NIBAN1: variants seen among roughly 807,000 people sequenced by gnomAD.
The protein encoded by NIBAN1 is niban apoptosis regulator 1.
Under a neutral mutation model 75.1 loss-of-function variants are expected in NIBAN1, and 81 were observed. That is an observed-to-expected ratio of 1.08 (90% CI 0.90 to 1.30). NIBAN1 has a LOEUF of 1.30. NIBAN1 is among the 50% of genes most tolerant of loss of function. The pLI is 0.00. For missense variants in NIBAN1, 1,133 were observed against 1,128.1 expected (o/e 1.00, Z -0.06); for synonymous variants, 436 against 424.8 (o/e 1.03, Z -0.32).
chr1:184,944,860 C>G (rs1159149706), intron 1 of NIBAN1, among the ~76,000 whole-genome samples: 1 of 152,166 alleles, frequency 6.6e-6, no homozygotes, highest in African/African-American at 2.4e-5. Context: ...ATAATAATTA[C>G]TGGGATTTAG....
chr1:184,947,073 C>CAAA (rs368783783), intron 1 of NIBAN1, among the ~76,000 whole-genome samples: 5 of 147,780 alleles, frequency 3.4e-5, no homozygotes, highest in African/African-American at 1.0e-4. Context: ...AACTCCATCT[C>CAAA]AAAAAGAAAA....
intron 1 of NIBAN1, among the ~76,000 whole-genome samples, chr1:184,936,184 A>C (rs1657955713): frequency 6.6e-6 from 1 of 152,154 alleles, no homozygotes; most frequent in African/African-American, 2.4e-5. Context: ...TGTACTCCAA[A>C]AGAGTGCTTA....
At chr1:184,804,389 T>G (rs1395737445) in intron 11 of NIBAN1, among the ~76,000 whole-genome samples, 1 of 152,212 alleles carries the variant, frequency 6.6e-6, no homozygotes, top group African/African-American at 2.4e-5. Context: ...AACCAAAGGC[T>G]GCCACGTGGA....
Position 184,970,084 on chromosome 1 carries a change from G to A in NIBAN1, c.55+4218C>T, listed in dbSNP as rs185942282. On this transcript the variant is annotated intron_variant, in intron 1 of 13. Transcript: ENST00000367511. ...CTAAGGAGGGTGAGGTGGGAGGATC[G>A]CTTGAGCCCAGGGAGGTCGAGGCTG... 4.4e-4 allele frequency among the ~76,000 whole-genome samples: 66 copies of A among 150,980 alleles called. No homozygotes were observed. In the East Asian group the frequency reaches 1.0e-2, roughly 23 times the overall value.
chr1:184,852,582 CTCATT>C (rs1290542759), intron 5 of NIBAN1, among the ~76,000 whole-genome samples: 2 of 152,176 alleles, frequency 1.3e-5, no homozygotes, highest in Non-Finnish European at 2.9e-5. Flanking sequence ...GGCCTAATCT[CTCATT>C]TCAAGTGGAA....
intron 4 of NIBAN1, 118 bp from the exon 5 acceptor site, chr1:184,884,918 G>C (rs945948331): frequency 7.9e-7 from 1 of 1,268,910 alleles, no homozygotes; most frequent in Middle Eastern, 2.3e-4. Flanking sequence ...AAGTTGGTGA[G>C]ATATTTTCAC....
chr1:184,791,757 T>C lies in NIBAN1; in HGVS notation c.*3220A>G, dbSNP rs1653702151. The C allele has an allele frequency of 6.6e-6, 1 of 152,160 alleles. No individual in the cohort carries two copies. Among genetic ancestry groups the C allele is most frequent in the Admixed American group, 6.6e-5 (1 of 15,266 alleles). 9.4% of individuals were successfully genotyped at this position (152,160 alleles called of 1,614,324 possible). On this transcript the variant is annotated 3_prime_UTR_variant, in exon 14 of 14. Transcript: ENST00000367511. The stretch of plus-strand genomic sequence containing the variant: ...ACAGAGGCTAAGGAAAAAAATGCTG[T>C]TCATTTAGATCAGAATAACCTCGCT...
chr1:184,845,769 A>G (rs1027078508), intron 5 of NIBAN1, among the ~76,000 whole-genome samples: 1 of 85,118 alleles, frequency 1.2e-5, no homozygotes, highest in Non-Finnish European at 2.4e-5. Context: ...GTGTGTGCGC[A>G]CCGTGCGCGA....
intron 1 of NIBAN1, among the ~76,000 whole-genome samples, chr1:184,911,997 G>A (rs1471466610): frequency 1.3e-5 from 2 of 151,968 alleles, no homozygotes; most frequent in Non-Finnish European, 2.9e-5. Context: ...GCACCACTAC[G>A]CTAAAACTGG....
At chr1:184,821,976 C>T (rs1654714498) in intron 8 of NIBAN1, among the ~76,000 whole-genome samples, 1 of 152,122 alleles carries the variant, frequency 6.6e-6, no homozygotes, top group South Asian at 2.1e-4. Context: ...GGAAAGGGGG[C>T]CTGAACTGCA....
chr1:184,916,203 T>C (rs1432585402), intron 1 of NIBAN1, among the ~76,000 whole-genome samples: 47 of 152,210 alleles, frequency 3.1e-4, no homozygotes, highest in Non-Finnish European at 2.9e-5. Context: ...GCTCTTCACA[T>C]CATTGAAGCT....
intron 4 of NIBAN1, 47 bp from the exon 5 acceptor site, chr1:184,884,847 T>C (rs769519570): frequency 1.3e-6 from 2 of 1,593,352 alleles, no homozygotes; most frequent in South Asian, 1.1e-5. Flanking sequence ...CATGTATCTT[T>C]TATTTCAAAT....
At chr1:184,910,431 T>C (rs895258879) in intron 1 of NIBAN1, among the ~76,000 whole-genome samples, 1 of 152,222 alleles carries the variant, frequency 6.6e-6, no homozygotes, top group African/African-American at 2.4e-5. Flanking sequence ...AATTAATTGA[T>C]CCAAGGTCAC....
chr1:184,898,318 T>C (rs1290504133), intron 2 of NIBAN1, among the ~76,000 whole-genome samples: 1 of 152,066 alleles, frequency 6.6e-6, no homozygotes, highest in African/African-American at 2.4e-5. Flanking sequence ...CCATCTTCTC[T>C]AAAATAAGGC....
At chr1:184,937,518 A>G (rs1657993021) in intron 1 of NIBAN1, among the ~76,000 whole-genome samples, 2 of 152,206 alleles carry the variant, frequency 1.3e-5, no homozygotes, top group Admixed American at 6.5e-5. Flanking sequence ...CTTAATAAAT[A>G]TTTCTTAACT....
chr1:184,865,015 G>T (rs926993452), intron 5 of NIBAN1, among the ~76,000 whole-genome samples: 6 of 147,676 alleles, frequency 4.1e-5, no homozygotes, highest in African/African-American at 1.5e-4. Flanking sequence ...AGAATGCTCA[G>T]TATCACTAAT....
At chr1:184,822,686 A>T (rs1654735218) in intron 8 of NIBAN1, among the ~76,000 whole-genome samples, 1 of 152,212 alleles carries the variant, frequency 6.6e-6, no homozygotes, top group Non-Finnish European at 1.5e-5. Flanking sequence ...GTGACTGGGT[A>T]TGACTCCAAG....
At chr1:184,934,506 G>A (rs755490003) in intron 1 of NIBAN1, among the ~76,000 whole-genome samples, 8 of 152,320 alleles carry the variant, frequency 5.3e-5, no homozygotes, top group Non-Finnish European at 7.3e-5. Context: ...GCTCACACCT[G>A]TAATCGCAGC....
At chr1:184,886,039 AT>A (rs1656516109) in intron 4 of NIBAN1, among the ~76,000 whole-genome samples, 1 of 152,064 alleles carries the variant, frequency 6.6e-6, no homozygotes, top group Admixed American at 6.5e-5. Flanking sequence ...GTGTTCACCC[AT>A]TCCGTGACTT....
Sources: allele counts gnomAD v4.1 joint callset (sites outside exome capture counted in the v4.1 genomes callset), GRCh38; gene constraint gnomAD v4.1.1; transcripts MANE v1.5; gene names NCBI Gene and HGNC (gene_info 2026-07-23, HGNC 2026-07-21).